Variants in FAM20A observed in about 807,000 individuals in gnomAD.
FAM20A encodes FAM20A golgi associated secretory pathway pseudokinase.
FAM20A carries 42 observed loss-of-function variants against 52.0 expected under a neutral mutation model. The observed-to-expected ratio is 0.81, with a 90% CI of 0.63 to 1.04. The LOEUF is 1.04. Among genes scored for constraint, FAM20A ranks in the 50% least tolerant of loss-of-function variants. The pLI is 0.00. For missense variants in FAM20A, 742 were observed against 712.7 expected, an observed-to-expected ratio of 1.04 and a Z score of -0.47; for synonymous variants, 304 against 298.9, an observed-to-expected ratio of 1.02 and a Z score of -0.18.
chr17:68,564,677 G>C (rs2087323217), intron 1 of FAM20A, among the ~76,000 whole-genome samples: 1 of 152,236 alleles, frequency 6.6e-6, no homozygotes, highest in Admixed American at 6.5e-5. Context: ...AACCAAGGCA[G>C]GTCTGGGCTT....
At chr17:68,591,542 G>A (rs1269355911) in intron 1 of FAM20A, among the ~76,000 whole-genome samples, 6 of 152,218 alleles carry the variant, frequency 3.9e-5, no homozygotes, top group African/African-American at 1.4e-4. Flanking sequence ...TGATGAATGT[G>A]GGGAATACTT....
At chr17:68,584,216 C>A (rs2143875167) in intron 1 of FAM20A, among the ~76,000 whole-genome samples, 1 of 152,250 alleles carries the variant, frequency 6.6e-6, no homozygotes, top group East Asian at 1.9e-4. Context: ...ACTTGGGAGG[C>A]TGAGGCAGGA....
chr17:68,541,897 T>C, intron 7 of FAM20A, 88 bp downstream of exon 7: 1 of 1,483,594 alleles, frequency 6.7e-7, no homozygotes, highest in South Asian at 1.3e-5. Context: ...GCTTTTCAGA[T>C]TCAAAAGCCA....
At chr17:68,538,497 T>G (rs1387798926) in intron 10 of FAM20A, among the ~76,000 whole-genome samples, 1 of 152,248 alleles carries the variant, frequency 6.6e-6, no homozygotes, top group Non-Finnish European at 1.5e-5. Flanking sequence ...ATACTGCAGC[T>G]GAGCAGGTGG....
chr17:68,557,757 C>T (rs1046503752), intron 1 of FAM20A, among the ~76,000 whole-genome samples: 10 of 152,184 alleles, frequency 6.6e-5, no homozygotes, highest in Non-Finnish European at 1.0e-4. Context: ...GAGGAGAATA[C>T]GGTAATCACC....
chr17:68,599,795 C>T (rs570458245), intron 1 of FAM20A, among the ~76,000 whole-genome samples: 1 of 152,262 alleles, frequency 6.6e-6, no homozygotes, highest in Non-Finnish European at 1.5e-5. Flanking sequence ...GGAAGGCGCC[C>T]AGGTTTACCC....
rs191460173 is a variant in FAM20A, at chr17:68,578,344, A to G, written c.404+21919T>C. On this transcript the variant is annotated intron_variant, in intron 1 of 10. Coordinates refer to ENST00000592554, the MANE Select transcript of FAM20A (RefSeq NM_017565.4). ...GGGTTAGGCTGGGGCACATATTTTC[A>G]TGGTTCATAAGCAAATTTCCTTGTG... is the stretch of plus-strand genomic sequence containing the variant. 6.6e-5 allele frequency among the ~76,000 whole-genome samples: 10 copies of G among 152,276 alleles called. No individual in the cohort carries two copies. The East Asian group carries it at 1.5e-3, about 23-fold the overall frequency.
chr17:68,541,538 C>T, intron 7 of FAM20A: 1 of 189,198 alleles, frequency 5.3e-6, no homozygotes, highest in Non-Finnish European at 1.1e-5. Context: ...GGAGTACCTG[C>T]TATGTGCCAG....
At chr17:68,599,446 C>G (rs938801872) in intron 1 of FAM20A, among the ~76,000 whole-genome samples, 2 of 152,164 alleles carry the variant, frequency 1.3e-5, no homozygotes, top group Non-Finnish European at 2.9e-5. Context: ...CAGAAAGATT[C>G]TTAATTTTAT....
intron 1 of FAM20A, among the ~76,000 whole-genome samples, chr17:68,589,895 C>G (rs2088257317): frequency 6.6e-6 from 1 of 152,162 alleles, no homozygotes; most frequent in Admixed American, 6.5e-5. Flanking sequence ...AGCACCCAAT[C>G]AATTTCTATA....
At chr17:68,569,170 CAT>C (rs895211406) in intron 1 of FAM20A, among the ~76,000 whole-genome samples, 1 of 152,188 alleles carries the variant, frequency 6.6e-6, no homozygotes, top group African/African-American at 2.4e-5. Flanking sequence ...GCAAAGGACT[CAT>C]AAATTCCAGG....
chr17:68,552,271 A>G (rs1243477434), intron 3 of FAM20A, among the ~76,000 whole-genome samples: 2 of 152,160 alleles, frequency 1.3e-5, no homozygotes, highest in African/African-American at 4.8e-5. Flanking sequence ...TTCTGCTGGT[A>G]TGGGAAAAGA....
chr17:68,600,501 C>G lies in FAM20A; in HGVS notation c.166G>C (p.Asp56His), dbSNP rs759103163. Residue 56 changes from aspartate to histidine, a missense_variant, in exon 1 of 11, where the codon GAC (aspartate) becomes CAC (histidine). Physicochemically the swap from Asp to His is moderately conservative, Grantham distance 81. Transcript: ENST00000592554. This position sits in a 1 kb window ranked among gnomAD's most constrained non-coding sequence, Gnocchi z 6.2. ...CTGRASSLARDSAAAASDPGT... is the reference protein window; with the variant it reads ...CTGRASSLARHSAAAASDPGT... ...GGGTCCGAGGCAGCTGCGGCCGAGT[C>G]CCGCGCCAGGGAGGAGGCGCGGCCG... The G allele has an allele frequency of 5.7e-6, 9 of 1,590,982 alleles. No homozygotes were observed. The highest frequency in any genetic ancestry group is 5.1e-6 in the Non-Finnish European group (6 of 1,169,200).
chr17:68,540,113 A>C (rs1454599205), intron 8 of FAM20A, 147 bp from the exon 9 acceptor site: 2 of 730,324 alleles, frequency 2.7e-6, no homozygotes, highest in East Asian at 5.4e-5. Context: ...TCATTTCCTC[A>C]GGGCCATCAG....
intron 1 of FAM20A, among the ~76,000 whole-genome samples, chr17:68,566,163 T>G (rs143018607): frequency 2.4e-4 from 36 of 152,336 alleles, no homozygotes; most frequent in African/African-American, 8.2e-4. Flanking sequence ...ATGTGAGCTT[T>G]CTTTCTCACT....
chr17:68,541,554 G>A (rs1464325276), intron 7 of FAM20A: 2 of 193,468 alleles, frequency 1.0e-5, no homozygotes, highest in Admixed American at 1.1e-4. Flanking sequence ...GCCAGGGAGG[G>A]TGCTAGGTCC....
At chr17:68,591,093 C>CT (rs57737609) in intron 1 of FAM20A, among the ~76,000 whole-genome samples, 29,209 of 149,930 alleles carry the variant, frequency 0.19, 3,010 homozygotes, top group East Asian at 0.33. Context: ...TCCAAGGACT[C>CT]TGTTTTGTTT....
chr17:68,551,185 GA>G (rs1175399443), intron 4 of FAM20A: 1 of 1,178,206 alleles, frequency 8.5e-7, no homozygotes, highest in Non-Finnish European at 1.1e-6. Flanking sequence ...TTGGGGGCCA[GA>G]AACCCAAACT....
chr17:68,541,350 A>T (rs180957312), intron 7 of FAM20A: 11 of 248,128 alleles, frequency 4.4e-5, no homozygotes, highest in Admixed American at 2.5e-4. Context: ...TTTCTCTCTC[A>T]CACATGGTTT....
Sources: gnomAD v4.1 joint callset for allele counts (sites outside exome capture counted in the v4.1 genomes callset) on GRCh38, gnomAD v4.1.1 for gene constraint, Gnocchi (gnomAD v3.1) non-coding constraint, MANE v1.5 for transcripts, NCBI Gene and HGNC (gene_info 2026-07-23, HGNC 2026-07-21) for gene names.